The following JMY variants were observed in gnomAD, a reference collection of about 807,000 sequenced individuals.
JMY encodes junction-mediating and -regulatory protein.
Under a neutral mutation model 103.3 loss-of-function variants are expected in JMY, and 46 were observed. The observed-to-expected ratio is 0.45, with a 90% CI of 0.35 to 0.57. The LOEUF is 0.57. JMY is among the 20% of genes least tolerant of loss of function. The pLI, the probability that JMY is intolerant of heterozygous loss-of-function variation, is 0.00. For missense variants in JMY, 1,238 were observed against 1,255.2 expected, an observed-to-expected ratio of 0.99 and a Z score of 0.21; for synonymous variants, 526 against 489.3, an observed-to-expected ratio of 1.07 and a Z score of -0.99.
At chr5:79,276,563 A>C (rs1190699202) in intron 1 of JMY, among the ~76,000 whole-genome samples, 1 of 151,870 alleles carries the variant, frequency 6.6e-6, no homozygotes, top group African/African-American at 2.4e-5. Flanking sequence ...AGCTGGGACT[A>C]TCAGCTAATT....
intron 1 of JMY, among the ~76,000 whole-genome samples, chr5:79,268,576 C>G (rs1462396288): frequency 6.6e-6 from 1 of 152,156 alleles, no homozygotes; most frequent in Non-Finnish European, 1.5e-5. Context: ...CAACCTCCAC[C>G]TCCCGGGTTC....
Position 79,291,153 on chromosome 5 carries a change from G to T in JMY, c.1381G>T (p.Asp461Tyr). 1 of 1,608,302 alleles carries T rather than the reference G, an allele frequency of 6.2e-7. No individual in the cohort carries two copies. The highest frequency in any genetic ancestry group is 1.1e-5 in the South Asian group (1 of 89,380). The change falls in exon 4 of 11, where the codon GAT becomes TAT. Residue 461 changes from aspartate (D) to tyrosine (Y), a missense_variant. Asp to Tyr is a radical substitution (Grantham distance 160). Coordinates refer to ENST00000396137, the MANE Select transcript of JMY (RefSeq NM_152405.5). ...AGCTGTGTATGATCGAATGCGAGCT[G>T]ATCAGAAGAAATTTGGTAAAGCATC... is the stretch of plus-strand genomic sequence containing the variant. ...QKAVYDRMRA[D>Y]QKKFGKASWA... is the part of the protein sequence containing the mutation.
chr5:79,271,805 TC>T lies in JMY; in HGVS notation c.1033-6104del, dbSNP rs368893131. Among the ~76,000 whole-genome samples the T allele has an allele frequency of 2.6e-5, 4 of 152,274 alleles. No individual in the cohort carries two copies. The East Asian group carries it at 7.7e-4, about 29-fold the overall frequency. ...GTGTCTTCCTGATGAATTGACTCTTTCGTGTTTATAAAATGTTCTGGGCTGG... is the reference window on the plus strand; with the variant it reads ...GTGTCTTCCTGATGAATTGACTCTTTGTGTTTATAAAATGTTCTGGGCTGG... On this transcript the variant is annotated intron_variant, in intron 1 of 10. Coordinates refer to ENST00000396137, the MANE Select transcript of JMY (RefSeq NM_152405.5).
intron 1 of JMY, among the ~76,000 whole-genome samples, chr5:79,271,665 G>A (rs1350020834): frequency 6.6e-6 from 1 of 152,026 alleles, no homozygotes; most frequent in African/African-American, 2.4e-5. Context: ...TTGTGACTGA[G>A]GAGTGTTAAA....
rs1744516615 is a variant in JMY at position 79,236,780 on chromosome 5, A to G, written c.130A>G (p.Ile44Val). ...AWNEIEGKFA[I>V]TCHNRTAQRQ... is the part of the protein sequence containing the mutation. The stretch of plus-strand genomic sequence containing the variant: ...GAACGAGATTGAGGGCAAGTTTGCC[A>G]TAACCTGCCACAACCGGACGGCCCA... The change falls in exon 1 of 11, where the codon ATA (isoleucine) becomes GTA (valine). Residue 44 changes from isoleucine (I) to valine (V), a missense_variant. Transcript: ENST00000396137. 2.0e-6 allele frequency: 3 copies of G among 1,511,620 alleles called. No homozygotes were observed. In the African/African-American group the frequency reaches 4.3e-5, roughly 22 times the overall value. 93.6% of individuals were successfully genotyped at this position (1,511,620 alleles called of 1,614,324 possible).
At position 79,314,676 on chromosome 5, in the gene JMY, T is replaced by A; in HGVS notation, c.2484T>A (p.Val828=). The change falls in exon 9 of 11, where the codon GTT becomes GTA. Residue 828 remains valine (V), a synonymous_variant. Coordinates refer to ENST00000396137, the MANE Select transcript of JMY (RefSeq NM_152405.5). ...PPPPPPPPLP[V]AKDSGPETLE... ...CCCCACCACCACCACCTCTGCCTGTTGCTAAGGACAGTGGCCCAGAGACAC... is the reference window on the plus strand; with the variant it reads ...CCCCACCACCACCACCTCTGCCTGTAGCTAAGGACAGTGGCCCAGAGACAC... 1 of 1,397,462 alleles carries A rather than the reference T, an allele frequency of 7.2e-7. No homozygotes were observed. Among genetic ancestry groups the A allele is most frequent in the Non-Finnish European group, 9.6e-7 (1 of 1,045,230 alleles). The allele number at this position is 1,397,462 out of a possible 1,614,324, so 86.6% of individuals were successfully genotyped here.
intron 2 of JMY, among the ~76,000 whole-genome samples, chr5:79,289,912 G>A: frequency 6.6e-6 from 1 of 152,114 alleles, no homozygotes; most frequent in East Asian, 1.9e-4. Context: ...TGGAGTGAGA[G>A]GGGGATGGAA....
At chr5:79,249,300 G>T (rs1413714930) in intron 1 of JMY, among the ~76,000 whole-genome samples, 1 of 149,906 alleles carries the variant, frequency 6.7e-6, no homozygotes, top group Non-Finnish European at 1.5e-5. Context: ...GGGATTACAG[G>T]TGTGAGCCAC....
chr5:79,252,337 GT>G (rs71615515), intron 1 of JMY, among the ~76,000 whole-genome samples: 2,676 of 130,424 alleles, frequency 0.021, 38 homozygotes, highest in African/African-American at 0.048. Context: ...TGATAGTCAG[GT>G]TTTTTTTTTT....
intron 1 of JMY, among the ~76,000 whole-genome samples, chr5:79,249,707 G>T (rs1250810532): frequency 3.3e-5 from 5 of 152,108 alleles, no homozygotes; most frequent in Admixed American, 3.3e-4. Flanking sequence ...TTGTCTAACT[G>T]CACCATTCCC....
chr5:79,299,514 T>C (rs1684086246), intron 4 of JMY, among the ~76,000 whole-genome samples: 1 of 151,846 alleles, frequency 6.6e-6, no homozygotes, highest in Non-Finnish European at 1.5e-5. Context: ...AGACCATCCT[T>C]CACTTTATGA....
intron 1 of JMY, among the ~76,000 whole-genome samples, chr5:79,263,360 T>G (rs1466092763): frequency 1.3e-5 from 2 of 152,170 alleles, no homozygotes; most frequent in Admixed American, 6.5e-5. Context: ...CAAGTATCCT[T>G]GAATATGCAC....
Position 79,324,542 on chromosome 5 carries a change from T to C in JMY, c.*2940T>C, listed in dbSNP as rs1225611191. 6 of 152,338 alleles carry C rather than the reference T, an allele frequency of 3.9e-5. No homozygotes were observed. In the East Asian group the frequency reaches 7.7e-4, roughly 20 times the overall value. 9.4% of individuals were successfully genotyped at this position (152,338 alleles called of 1,614,324 possible). ...ATGTTACTGCCCACTTGACTGTCAA[T>C]TTCAAATGGCTCCTAATGCAACCAA... is the stretch of plus-strand genomic sequence containing the variant. On this transcript the variant is annotated 3_prime_UTR_variant, in exon 11 of 11. Transcript: ENST00000396137.
At chr5:79,290,311 A>C in intron 3 of JMY, 40 bp downstream of exon 3, 1 of 1,364,504 alleles carries the variant, frequency 7.3e-7, no homozygotes. Context: ...GTATTTTTGA[A>C]AATGAGTGGT....
Position 79,288,331 on chromosome 5 carries a change from C to T in JMY, c.1207-1790C>T, listed in dbSNP as rs543672878. On this transcript the variant is annotated intron_variant, in intron 2 of 10. Coordinates refer to ENST00000396137, the MANE Select transcript of JMY (RefSeq NM_152405.5). ...TTTGCTCAGATTGCTCCTCACCTCT[C>T]GCATGCCTTTTCAGTGGTTTTTCTC... Among the ~76,000 whole-genome samples, 72 of 152,310 alleles carry T rather than the reference C, an allele frequency of 4.7e-4. 1 individual carries two copies. Among genetic ancestry groups the T allele is most frequent in the African/African-American group, 1.5e-3 (63 of 41,568 alleles).
At chr5:79,304,066 A>G (rs557554625) in intron 6 of JMY, among the ~76,000 whole-genome samples, 1 of 152,156 alleles carries the variant, frequency 6.6e-6, no homozygotes, top group Non-Finnish European at 1.5e-5. Flanking sequence ...GTGTTAGCTC[A>G]TAGCAATTTA....
intron 1 of JMY, among the ~76,000 whole-genome samples, chr5:79,258,774 C>T (rs1036632045): frequency 2.0e-5 from 3 of 152,140 alleles, no homozygotes; most frequent in South Asian, 2.1e-4. Context: ...AGGGTGTCAC[C>T]GCTCTGGCTT....
chr5:79,265,830 G>T (rs1745571639), intron 1 of JMY, among the ~76,000 whole-genome samples: 2 of 149,142 alleles, frequency 1.3e-5, no homozygotes, highest in South Asian at 4.2e-4. Context: ...GTCCAGGCTG[G>T]AGTGCAGTGG....
At chr5:79,317,837 A>G (rs1747287402) in intron 10 of JMY, among the ~76,000 whole-genome samples, 1 of 152,150 alleles carries the variant, frequency 6.6e-6, no homozygotes, top group African/African-American at 2.4e-5. Flanking sequence ...ACATGCCACC[A>G]TGCCGGGCTA....
Sources: gnomAD v4.1 joint callset for allele counts (sites outside exome capture counted in the v4.1 genomes callset) on GRCh38, gnomAD v4.1.1 for gene constraint, MANE v1.5 for transcripts, NCBI Gene and HGNC (gene_info 2026-07-23, HGNC 2026-07-21) for gene names.